Variants in TIAM1 observed in about 807,000 individuals in gnomAD.
The protein encoded by TIAM1 is rho guanine nucleotide exchange factor TIAM1.
TIAM1 carries 65 observed loss-of-function variants against 163.5 expected under a neutral mutation model. The observed-to-expected ratio is 0.40, with a 90% CI of 0.33 to 0.49. The LOEUF is 0.49. Ranked by LOEUF, TIAM1 falls within the 20% of genes least tolerant of loss-of-function variation. TIAM1 has a pLI of 0.77. For missense variants in TIAM1, 1,789 were observed against 2,044.7 expected, an observed-to-expected ratio of 0.87 and a Z score of 2.41; for synonymous variants, 833 against 810.1, an observed-to-expected ratio of 1.03 and a Z score of -0.48.
At chr21:31,538,189 A>G (rs1213790273) in intron 1 of TIAM1, among the ~76,000 whole-genome samples, 1 of 152,252 alleles carries the variant, frequency 6.6e-6, no homozygotes, top group African/African-American at 2.4e-5. Context: ...AGCTGTACAA[A>G]TACAATAACG....
intron 16 of TIAM1, among the ~76,000 whole-genome samples, chr21:31,157,085 G>C (rs1358772981): frequency 6.6e-6 from 1 of 152,154 alleles, no homozygotes; most frequent in Non-Finnish European, 1.5e-5. Flanking sequence ...TTTACTGTAG[G>C]CTAATTGATA....
At position 31,154,414 on chromosome 21, in the gene TIAM1, C is replaced by A; in HGVS notation, c.3004G>T (p.Val1002Leu). 1.2e-6 allele frequency: 2 copies of A among 1,613,866 alleles called. No individual in the cohort carries two copies. The highest frequency in any genetic ancestry group is 1.1e-5 in the South Asian group (1 of 91,038). The change falls in exon 17 of 28, where the codon GTG becomes TTG. Residue 1002 changes from valine (V) to leucine (L), a missense_variant. Val to Leu is a conservative substitution (Grantham distance 32). Transcript: ENST00000541036. ...TDHSSKSTEQ[V>L]AAFCRSLHEM... ...TGCAAACTGCGGCAAAATGCGGCCA[C>A]CTGTTCTGTACTCTTCGGAGCACAG...
At chr21:31,129,282 C>T (rs1043677892) in intron 25 of TIAM1, among the ~76,000 whole-genome samples, 1 of 152,168 alleles carries the variant, frequency 6.6e-6, no homozygotes, top group Admixed American at 6.5e-5. Flanking sequence ...TTAGTCAGTA[C>T]CCCTGCTACT....
intron 9 of TIAM1, among the ~76,000 whole-genome samples, chr21:31,217,315 A>G (rs2087275875): frequency 6.6e-6 from 1 of 152,140 alleles, no homozygotes; most frequent in African/African-American, 2.4e-5. Context: ...TCTGTAATTA[A>G]TGAGGGTTTG....
chr21:31,202,157 AT>A (rs2086232616), intron 12 of TIAM1, among the ~76,000 whole-genome samples: 1 of 152,262 alleles, frequency 6.6e-6, no homozygotes, highest in South Asian at 2.1e-4. Context: ...ACCCAACAAG[AT>A]TTGATCCAGC....
At chr21:31,142,900 C>T (rs558033627) in intron 20 of TIAM1, among the ~76,000 whole-genome samples, 1 of 152,148 alleles carries the variant, frequency 6.6e-6, no homozygotes, top group Non-Finnish European at 1.5e-5. Flanking sequence ...GTTGTGGGAC[C>T]CCAAACAGAG....
chr21:31,410,948 T>C (rs1602214648), intron 2 of TIAM1, among the ~76,000 whole-genome samples: 1 of 152,106 alleles, frequency 6.6e-6, no homozygotes, highest in South Asian at 2.1e-4. Context: ...CTGGACGATG[T>C]TACAAAGAGC....
intron 2 of TIAM1, among the ~76,000 whole-genome samples, chr21:31,286,551 T>C (rs2073816709): frequency 6.6e-6 from 1 of 150,702 alleles, no homozygotes; most frequent in Non-Finnish European, 1.5e-5. Flanking sequence ...GTAAAAGCAA[T>C]TAAAAAAAAA....
At position 31,251,004 on chromosome 21, in the gene TIAM1, AC is replaced by A. The variant is rs2071772460; in HGVS notation, c.1411+737del. Among the ~76,000 whole-genome samples the A allele has an allele frequency of 2.0e-5, 3 of 152,262 alleles. No homozygotes were observed. The South Asian group carries it at 6.2e-4, about 32-fold the overall frequency. On this transcript the variant is annotated intron_variant, in intron 5 of 27. Coordinates refer to ENST00000541036, the MANE Select transcript of TIAM1 (RefSeq NM_001353694.2). Reference sequence around the variant, plus strand: ...CTTTTTCATAAACATGATGGTCTATACAATCCATTAATATCAGGTTGAATCC... The same window carrying A: ...CTTTTTCATAAACATGATGGTCTATAAATCCATTAATATCAGGTTGAATCC...
At chr21:31,259,550 G>T (rs143565246) in intron 4 of TIAM1, among the ~76,000 whole-genome samples, 1 of 151,820 alleles carries the variant, frequency 6.6e-6, no homozygotes, top group Admixed American at 6.6e-5. Flanking sequence ...GTTCAAGGCC[G>T]CAGTGCACTA....
At chr21:31,370,589 T>G (rs951559725) in intron 2 of TIAM1, among the ~76,000 whole-genome samples, 1 of 151,828 alleles carries the variant, frequency 6.6e-6, no homozygotes, top group African/African-American at 2.4e-5. Context: ...TCTGTGGGGG[T>G]TTATATACTA....
Position 31,228,891 on chromosome 21 carries a change from G to A in TIAM1, c.1585-2941C>T, listed in dbSNP as rs118121748. Among the ~76,000 whole-genome samples the A allele has an allele frequency of 3.2e-3, 488 of 152,258 alleles. 4 individuals are homozygous for A. The highest frequency in any genetic ancestry group is 5.0e-3 in the Non-Finnish European group (343 of 68,022). Reference sequence around the variant, plus strand: ...ACGTCCTTCTTCTCACGGTGGCAGCGAGGAGAAGTGCAGAACAAAGCAGGG... The same window carrying A: ...ACGTCCTTCTTCTCACGGTGGCAGCAAGGAGAAGTGCAGAACAAAGCAGGG... On this transcript the variant is annotated intron_variant, in intron 6 of 27. Coordinates refer to ENST00000541036, the MANE Select transcript of TIAM1 (RefSeq NM_001353694.2).
intron 19 of TIAM1, among the ~76,000 whole-genome samples, chr21:31,150,882 A>G (rs928099776): frequency 2.0e-5 from 3 of 152,376 alleles, no homozygotes; most frequent in Admixed American, 6.5e-5. Flanking sequence ...TCAAAACTCA[A>G]TATTAGTAAA....
intron 1 of TIAM1, among the ~76,000 whole-genome samples, chr21:31,477,349 A>G (rs991086650): frequency 1.3e-5 from 2 of 152,224 alleles, no homozygotes; most frequent in African/African-American, 2.4e-5. Flanking sequence ...AAATGCCTGA[A>G]TAAGAAATCA....
chr21:31,528,797 T>G (rs1337430264), intron 1 of TIAM1, among the ~76,000 whole-genome samples: 1 of 137,778 alleles, frequency 7.3e-6, no homozygotes, highest in East Asian at 2.3e-4. Context: ...AGAGCAAGAC[T>G]CTAAATAAAT....
chr21:31,210,647 A>AAG (rs1331246598), intron 10 of TIAM1, among the ~76,000 whole-genome samples: 1 of 25,396 alleles, frequency 3.9e-5, no homozygotes, highest in African/African-American at 1.9e-4. Flanking sequence ...GAAAGAAAGA[A>AAG]AGAAAGAAAG....
chr21:31,397,890 A>G (rs2077099650), intron 2 of TIAM1, among the ~76,000 whole-genome samples: 1 of 152,210 alleles, frequency 6.6e-6, no homozygotes, highest in Admixed American at 6.5e-5. Flanking sequence ...ATAACAAAGG[A>G]ACTTCAGAAT....
intron 4 of TIAM1, among the ~76,000 whole-genome samples, chr21:31,259,721 T>A (rs940357158): frequency 6.6e-6 from 1 of 152,032 alleles, no homozygotes; most frequent in African/African-American, 2.4e-5. Flanking sequence ...TAGGGTTCCC[T>A]AAAATACTTC....
chr21:31,330,053 C>A (rs1324554381), intron 2 of TIAM1, among the ~76,000 whole-genome samples: 1 of 152,114 alleles, frequency 6.6e-6, no homozygotes, highest in Non-Finnish European at 1.5e-5. Flanking sequence ...TACCCAAAGT[C>A]CATAGTTCAC....
Sources: gnomAD v4.1 joint callset for allele counts (sites outside exome capture counted in the v4.1 genomes callset) on GRCh38, gnomAD v4.1.1 for gene constraint, MANE v1.5 for transcripts, NCBI Gene and HGNC (gene_info 2026-07-23, HGNC 2026-07-21) for gene names.